Variants in PAM observed in about 807,000 individuals in gnomAD.
The protein encoded by PAM is peptidylglycine alpha-amidating monooxygenase, also known as peptidyl-glycine alpha-amidating monooxygenase.
Under a neutral mutation model 122.1 loss-of-function variants are expected in PAM, and 72 were observed. The ratio of observed to expected loss-of-function variants is 0.59; its 90% CI spans 0.49 to 0.72. The LOEUF (loss-of-function observed/expected upper bound fraction) is 0.72. Ranked by LOEUF, PAM falls within the 30% of genes least tolerant of loss-of-function variation. PAM has a pLI of 0.00. For synonymous variants in PAM, 389 were observed against 404.4 expected, an observed-to-expected ratio of 0.96 and a Z score of 0.46; for missense variants, 1,106 against 1,183.7, an observed-to-expected ratio of 0.93 and a Z score of 0.96.
At position 102,866,175 on chromosome 5, in the gene PAM, CG is replaced by C; in HGVS notation, c.-17del. 1 of 1,571,488 alleles carries C rather than the reference CG, an allele frequency of 6.4e-7. No individual in the cohort carries two copies. The highest frequency in any genetic ancestry group is 8.7e-7 in the Non-Finnish European group (1 of 1,143,464). On this transcript the variant is annotated 5_prime_UTR_variant, in exon 2 of 26. Coordinates refer to ENST00000438793, the MANE Select transcript of PAM (RefSeq NM_001177306.2). ...GCTGCGCTGCCCGGTCCTCTCCCGG[CG>C]GGGTCGTATCGGCGTGGACATGGCT...
At chr5:102,807,264 A>G (rs376047395) in intron 1 of PAM, among the ~76,000 whole-genome samples, 2 of 152,222 alleles carry the variant, frequency 1.3e-5, no homozygotes, top group East Asian at 3.9e-4. Flanking sequence ...AAATAAGTGT[A>G]GTATTTCATT....
chr5:102,793,258 G>A (rs868690079), intron 1 of PAM, among the ~76,000 whole-genome samples: 103 of 152,278 alleles, frequency 6.8e-4, no homozygotes, highest in African/African-American at 2.2e-3. Context: ...GCTGGGTGCA[G>A]TGGCTCATGC....
At chr5:103,024,068 A>G (rs763936108) in intron 23 of PAM, among the ~76,000 whole-genome samples, 7 of 152,140 alleles carry the variant, frequency 4.6e-5, no homozygotes, top group Non-Finnish European at 7.4e-5. Flanking sequence ...AGGCTTTACA[A>G]TGCATTCTGT....
chr5:102,859,925 G>A (rs1441260501), intron 1 of PAM, among the ~76,000 whole-genome samples: 1 of 152,056 alleles, frequency 6.6e-6, no homozygotes, highest in East Asian at 1.9e-4. Flanking sequence ...ATAGAGCCTT[G>A]GTGTGTCATA....
intron 1 of PAM, among the ~76,000 whole-genome samples, chr5:102,788,427 T>C (rs1761151934): frequency 6.9e-6 from 1 of 143,998 alleles, no homozygotes; most frequent in Non-Finnish European, 1.5e-5. Flanking sequence ...CAAGACATAA[T>C]AACTCTATTT....
intron 3 of PAM, among the ~76,000 whole-genome samples, chr5:102,877,965 C>G (rs962657644): frequency 6.6e-6 from 1 of 151,866 alleles, no homozygotes; most frequent in Non-Finnish European, 1.5e-5. Context: ...GGAGTTGAAG[C>G]TGCAGTGAAC....
chr5:103,025,845 A>G (rs1784799022), intron 24 of PAM, among the ~76,000 whole-genome samples: 2 of 152,196 alleles, frequency 1.3e-5, no homozygotes, highest in African/African-American at 4.8e-5. Context: ...ACAAGGTTGT[A>G]CAAAGATGAA....
chr5:102,949,746 AT>A (rs1160187625), intron 10 of PAM, 129 bp downstream of exon 10: 1 of 701,904 alleles, frequency 1.4e-6, no homozygotes, highest in Non-Finnish European at 2.5e-6. Context: ...ACCTTGAAAT[AT>A]TTTATGCTGT....
chr5:102,785,535 G>A (rs185669592), intron 1 of PAM, among the ~76,000 whole-genome samples: 12 of 152,278 alleles, frequency 7.9e-5, no homozygotes, highest in Admixed American at 7.8e-4. Flanking sequence ...GTGGTTATAG[G>A]AAGGAAGGAA....
At chr5:103,007,333 C>A (rs1396806511) in intron 19 of PAM, 124 bp from the exon 20 acceptor site, 11 of 761,998 alleles carry the variant, frequency 1.4e-5, no homozygotes, top group Non-Finnish European at 1.1e-5. Flanking sequence ...AACTGCTTTA[C>A]CTTATCTTTC....
chr5:102,794,567 TA>T (rs1372591137), intron 1 of PAM, among the ~76,000 whole-genome samples: 14 of 152,230 alleles, frequency 9.2e-5, no homozygotes, highest in African/African-American at 2.4e-4. Context: ...AAAAAAGATT[TA>T]TTTTTTTTGT....
rs947506874 is a variant in PAM at position 102,771,121 on chromosome 5, C to T, written c.-374+15773C>T. 5.3e-5 allele frequency among the ~76,000 whole-genome samples: 8 copies of T among 152,194 alleles called. No homozygotes were observed. The East Asian group carries it at 1.5e-3, about 29-fold the overall frequency. ...AACAAAAAAGCCAGTTTTCGTTAAGCATTTTGGGAGTTATAAACTCCTATT... is the reference window on the plus strand; with the variant it reads ...AACAAAAAAGCCAGTTTTCGTTAAGTATTTTGGGAGTTATAAACTCCTATT... On this transcript the variant is annotated intron_variant, in intron 1 of 25. Coordinates refer to ENST00000438793, the MANE Select transcript of PAM (RefSeq NM_001177306.2).
intron 1 of PAM, among the ~76,000 whole-genome samples, chr5:102,806,669 A>T (rs1766313612): frequency 6.6e-6 from 1 of 152,234 alleles, no homozygotes; most frequent in Admixed American, 6.5e-5. Context: ...AGGATCTCAG[A>T]AGAACAAATG....
chr5:102,961,203 G>T lies in PAM; in HGVS notation c.1136G>T (p.Arg379Leu). The T allele has an allele frequency of 6.3e-7, 1 of 1,577,814 alleles. No individual in the cohort carries two copies. Among genetic ancestry groups the T allele is most frequent in the South Asian group, 1.1e-5 (1 of 90,302 alleles). ...DKIPLLQQPKREEEEVLDQGD... is the reference protein window; with the variant it reads ...DKIPLLQQPKLEEEEVLDQGD... ...ATTCCTTTACTACAGCAGCCAAAACGAGAAGAAGAAGAAGTGTTAGACCAG... is the reference window on the plus strand; with the variant it reads ...ATTCCTTTACTACAGCAGCCAAAACTAGAAGAAGAAGAAGTGTTAGACCAG... The change falls in exon 14 of 26, where the codon CGA becomes CTA. Residue 379 changes from arginine to leucine, a missense_variant. Coordinates refer to ENST00000438793, the MANE Select transcript of PAM (RefSeq NM_001177306.2).
chr5:102,982,387 C>T (rs751753010), intron 15 of PAM, among the ~76,000 whole-genome samples: 1 of 152,160 alleles, frequency 6.6e-6, no homozygotes, highest in Non-Finnish European at 1.5e-5. Flanking sequence ...CCTAACTGCC[C>T]ATCCAGCCCA....
intron 1 of PAM, among the ~76,000 whole-genome samples, chr5:102,769,829 A>G (rs1755205543): frequency 6.6e-6 from 1 of 152,104 alleles, no homozygotes; most frequent in Non-Finnish European, 1.5e-5. Flanking sequence ...AGCTTTGGCT[A>G]TTCTGGGTCT....
intron 3 of PAM, among the ~76,000 whole-genome samples, chr5:102,890,918 AGTATCC>A (rs1794603258): frequency 6.6e-6 from 1 of 151,934 alleles, no homozygotes; most frequent in East Asian, 1.9e-4. Context: ...CTGTGTGACA[AGTATCC>A]ACTGGGAGTT....
At chr5:102,980,608 T>C (rs750854371) in intron 15 of PAM, among the ~76,000 whole-genome samples, 1 of 152,160 alleles carries the variant, frequency 6.6e-6, no homozygotes, top group Non-Finnish European at 1.5e-5. Context: ...ACATACACAC[T>C]AGTCCTAAAT....
rs112455818 is a variant in PAM, at chr5:103,025,203, A to C, written c.2558A>C (p.Lys853Thr). Residue 853 changes from lysine to threonine, a missense_variant, in exon 24 of 26, where the codon AAA becomes ACA. Physicochemically the swap from Lys to Thr is moderately conservative, Grantham distance 78 (BLOSUM62 -1). Coordinates refer to ENST00000438793, the MANE Select transcript of PAM (RefSeq NM_001177306.2). Reference sequence around the variant, plus strand: ...TCAGAATTGCAGAAGATGCAAGAGAAACAGAAACTGATCAAAGAGCCAGGC... The same window carrying C: ...TCAGAATTGCAGAAGATGCAAGAGACACAGAAACTGATCAAAGAGCCAGGC... ...TSSELQKMQE[K>T]QKLIKEPGSG... The C allele has an allele frequency of 2.5e-6, 4 of 1,613,844 alleles. No individual in the cohort carries two copies. Among genetic ancestry groups the C allele is most frequent in the Non-Finnish European group, 2.5e-6 (3 of 1,179,754 alleles).
Sources: allele counts gnomAD v4.1 joint callset (sites outside exome capture counted in the v4.1 genomes callset), GRCh38; gene constraint gnomAD v4.1.1; transcripts MANE v1.5; gene names NCBI Gene and HGNC (gene_info 2026-07-23, HGNC 2026-07-21).